KCNIP4: variants seen among roughly 807,000 people sequenced by gnomAD.
KCNIP4 encodes the protein potassium voltage-gated channel interacting protein 4, also known as Kv channel-interacting protein 4.
Under a neutral mutation model 34.0 loss-of-function variants are expected in KCNIP4, and 12 were observed. That is an observed-to-expected ratio of 0.35 (90% confidence interval 0.23 to 0.57). The LOEUF (loss-of-function observed/expected upper bound fraction) is 0.57, where lower values mean the gene tolerates loss of function less well. Among genes scored for constraint, KCNIP4 ranks in the 20% least tolerant of loss-of-function variants. The probability of loss-of-function intolerance (pLI) is 0.83; values close to 1 mark genes in which losing one functional copy is unlikely to be tolerated. For missense variants in KCNIP4, 238 were observed against 311.7 expected (o/e 0.76, Z 1.78); for synonymous variants, 124 against 102.2 (o/e 1.21, Z -1.29).
At chr4:21,051,714 C>T (rs927073421) in intron 1 of KCNIP4, among the ~76,000 whole-genome samples, 3 of 152,076 alleles carry the variant, frequency 2.0e-5, no homozygotes, top group Admixed American at 6.6e-5. Context: ...AAATATTGAG[C>T]TTCTAAAACA....
chr4:20,762,624 A>G (rs993553215), intron 3 of KCNIP4, among the ~76,000 whole-genome samples: 1 of 152,250 alleles, frequency 6.6e-6, no homozygotes, highest in Non-Finnish European at 1.5e-5. Flanking sequence ...GCCAGGCTGC[A>G]TGTGCAGCAA....
chr4:20,833,484 C>CAATAATAATAAT (rs375084319), intron 3 of KCNIP4, among the ~76,000 whole-genome samples: 1 of 150,804 alleles, frequency 6.6e-6, no homozygotes, highest in African/African-American at 2.4e-5. Context: ...GACCCCATCT[C>CAATAATAATAAT]AATAATAATA....
intron 1 of KCNIP4, among the ~76,000 whole-genome samples, chr4:21,144,122 A>G (rs2109221037): frequency 6.6e-6 from 1 of 152,298 alleles, no homozygotes; most frequent in South Asian, 2.1e-4. Flanking sequence ...ATAGATACAC[A>G]CATGAATTTT....
At chr4:21,455,808 C>CATATAT (rs1171436191) in intron 1 of KCNIP4, among the ~76,000 whole-genome samples, 18 of 71,900 alleles carry the variant, frequency 2.5e-4, no homozygotes, top group East Asian at 5.3e-4. Context: ...TACAGATATT[C>CATATAT]ATATATATAT....
intron 1 of KCNIP4, among the ~76,000 whole-genome samples, chr4:21,521,925 A>G (rs975309194): frequency 6.6e-6 from 1 of 151,930 alleles, no homozygotes; most frequent in Non-Finnish European, 1.5e-5. Context: ...ATTGTAATAA[A>G]AAAAAAAAAG....
intron 1 of KCNIP4, among the ~76,000 whole-genome samples, chr4:21,687,809 C>A (rs1750930815): frequency 6.6e-6 from 1 of 152,076 alleles, no homozygotes. Context: ...ACTGGATGAT[C>A]AGGAAATGTC....
chr4:21,803,631 C>T (rs1223778098), intron 1 of KCNIP4, among the ~76,000 whole-genome samples: 1 of 152,120 alleles, frequency 6.6e-6, no homozygotes, highest in Non-Finnish European at 1.5e-5. Flanking sequence ...AAAATGCTAC[C>T]CTATCTGCTG....
intron 1 of KCNIP4, among the ~76,000 whole-genome samples, chr4:21,650,212 A>G (rs114736363): frequency 0.031 from 4,684 of 152,306 alleles, 245 homozygotes; most frequent in African/African-American, 0.11. Context: ...CTATGTGGAA[A>G]ACCCTTAATG....
At chr4:20,868,542 T>C (rs1330651019) in intron 2 of KCNIP4, among the ~76,000 whole-genome samples, 1 of 152,126 alleles carries the variant, frequency 6.6e-6, no homozygotes, top group African/African-American at 2.4e-5. Context: ...TGCACTCATA[T>C]GTTCATCACT....
At chr4:21,395,698 A>C (rs1722927626) in intron 1 of KCNIP4, among the ~76,000 whole-genome samples, 1 of 152,178 alleles carries the variant, frequency 6.6e-6, no homozygotes, top group African/African-American at 2.4e-5. Context: ...AAAACTGTAT[A>C]TTGAGGAAAT....
chr4:21,199,577 A>T (rs978282700), intron 1 of KCNIP4, among the ~76,000 whole-genome samples: 1 of 152,018 alleles, frequency 6.6e-6, no homozygotes, highest in African/African-American at 2.4e-5. Flanking sequence ...GTTTAATTAG[A>T]TCCCATTTGT....
intron 1 of KCNIP4, among the ~76,000 whole-genome samples, chr4:20,975,082 G>C (rs1280623046): frequency 6.6e-6 from 1 of 152,154 alleles, no homozygotes; most frequent in Non-Finnish European, 1.5e-5. Context: ...TGAGGTTCAG[G>C]TGGTTATATC....
intron 1 of KCNIP4, among the ~76,000 whole-genome samples, chr4:21,938,111 T>C (rs1461783748): frequency 6.6e-6 from 1 of 152,112 alleles, no homozygotes; most frequent in Non-Finnish European, 1.5e-5. Flanking sequence ...AGGACCACAG[T>C]TCTCCCTGCC....
At chr4:21,092,279 G>T (rs1747064229) in intron 1 of KCNIP4, among the ~76,000 whole-genome samples, 1 of 151,986 alleles carries the variant, frequency 6.6e-6, no homozygotes. Context: ...GTATTATCCT[G>T]ATAGCACACC....
intron 3 of KCNIP4, among the ~76,000 whole-genome samples, chr4:20,814,683 A>G (rs532759447): frequency 7.9e-5 from 12 of 152,282 alleles, no homozygotes; most frequent in African/African-American, 2.6e-4. Context: ...ACTAGGGGAT[A>G]TTAGAGGAGG....
At chr4:20,732,553 C>G (rs6811933) in intron 7 of KCNIP4, 128 bp downstream of exon 7, 328,815 of 681,296 alleles carry the variant, frequency 0.48, 82,739 homozygotes, top group African/African-American at 0.63. Context: ...TAATAGGATG[C>G]TAAATACTGT....
rs1186940839 is a variant in KCNIP4, at chr4:21,439,141, G to A, written c.61+509430C>T. 3.6e-5 allele frequency among the ~76,000 whole-genome samples: 5 copies of A among 139,114 alleles called. No individual in the cohort carries two copies. The East Asian group carries it at 8.1e-4, about 23-fold the overall frequency. 91.3% of individuals were successfully genotyped at this position (139,114 alleles called of 152,430 possible). A position where few individuals can be genotyped will look rare whatever the true frequency, so the allele number is the denominator to read the frequency against. The stretch of plus-strand genomic sequence containing the variant: ...CGCGCCACTGCACTCCAGCATGGGC[G>A]ACAGAGCAATAATCTGTCTCAAAAA... On this transcript the variant is annotated intron_variant, in intron 1 of 8. Transcript: ENST00000382152.
chr4:21,705,096 G>A (rs1713163587), intron 1 of KCNIP4, among the ~76,000 whole-genome samples: 1 of 152,110 alleles, frequency 6.6e-6, no homozygotes, highest in South Asian at 2.1e-4. Flanking sequence ...TACACAGAGT[G>A]AAAATGCCAG....
chr4:21,946,562 T>C (rs1465305954), intron 1 of KCNIP4, among the ~76,000 whole-genome samples: 1 of 152,236 alleles, frequency 6.6e-6, no homozygotes, highest in Non-Finnish European at 1.5e-5. Flanking sequence ...AAAGTACTTA[T>C]GCATATGTTT....
Sources: allele counts gnomAD v4.1 joint callset (sites outside exome capture counted in the v4.1 genomes callset), GRCh38; gene constraint gnomAD v4.1.1; transcripts MANE v1.5; gene names NCBI Gene and HGNC (gene_info 2026-07-23, HGNC 2026-07-21).